EPB41L4A: variants seen among roughly 807,000 people sequenced by gnomAD.
The protein encoded by EPB41L4A is erythrocyte membrane protein band 4.1 like 4A, also known as band 4.1-like protein 4A.
Under a neutral mutation model 108.6 loss-of-function variants are expected in EPB41L4A, and 100 were observed. That is an observed-to-expected ratio of 0.92 (90% confidence interval 0.78 to 1.09). The LOEUF (loss-of-function observed/expected upper bound fraction) is 1.09, where lower values mean the gene tolerates loss of function less well. EPB41L4A is among the 50% of genes least tolerant of loss of function. The pLI, the probability that EPB41L4A is intolerant of heterozygous loss-of-function variation, is 0.00. For missense variants in EPB41L4A, 1,030 were observed against 842.7 expected (o/e 1.22, Z -2.75); for synonymous variants, 319 against 289.0 (o/e 1.10, Z -1.05).
chr5:112,388,557 C>G (rs577008702), intron 1 of EPB41L4A, among the ~76,000 whole-genome samples: 1 of 152,012 alleles, frequency 6.6e-6, no homozygotes, highest in Non-Finnish European at 1.5e-5. Context: ...TTGAAGAGAC[C>G]GAGAGAGAAT....
At chr5:112,412,896 A>G (rs1220401754) in intron 1 of EPB41L4A, among the ~76,000 whole-genome samples, 4 of 152,178 alleles carry the variant, frequency 2.6e-5, no homozygotes, top group Non-Finnish European at 5.9e-5. Context: ...TTTCATAAAA[A>G]CCCAATATTT....
In EPB41L4A at chr5:112,234,759, G is replaced by C. The variant is rs762526120; in HGVS notation, c.966-4C>G. ...CATTTGCAAAGCTGTCCTGCCACTT[G>C]AGAGTGCAACATTTTGATTAGCAAA... On this transcript the variant is annotated splice_region_variant and splice_polypyrimidine_tract_variant and intron_variant, in intron 11 of 22. Coordinates refer to ENST00000261486, the MANE Select transcript of EPB41L4A (RefSeq NM_022140.5). 11 of 1,608,484 alleles carry C rather than the reference G, an allele frequency of 6.8e-6. No individual in the cohort carries two copies. Among genetic ancestry groups the C allele is most frequent in the Admixed American group, 1.7e-5 (1 of 59,800 alleles).
intron 17 of EPB41L4A, among the ~76,000 whole-genome samples, chr5:112,184,984 C>CGAGG (rs1761351986): frequency 6.6e-6 from 1 of 152,068 alleles, no homozygotes; most frequent in South Asian, 2.1e-4. Flanking sequence ...TTTGGACTTC[C>CGAGG]GAGGTATCAA....
At chr5:112,361,535 A>T (rs1021091540) in intron 1 of EPB41L4A, among the ~76,000 whole-genome samples, 1 of 147,824 alleles carries the variant, frequency 6.8e-6, no homozygotes, top group Admixed American at 6.9e-5. Context: ...AAAAAAAAAA[A>T]AAAGAATAAA....
rs772126180 is a variant in EPB41L4A, at chr5:112,280,273, G to C, written c.255C>G (p.Asn85Lys). 1 of 1,613,634 alleles carries C rather than the reference G, an allele frequency of 6.2e-7. No homozygotes were observed. The highest frequency in any genetic ancestry group is 8.5e-7 in the Non-Finnish European group (1 of 1,179,568). ...KTLAEHKELI[N>K]TGPPYTLYFG... ...ACAAAGTAAAAGCTAAATACCTACT[G>C]TTGATCAGTTCTTTGTGTTCAGCAA... Residue 85 changes from asparagine (N) to lysine (K), a missense_variant and splice_region_variant, in exon 3 of 23, where the codon AAC becomes AAG. Physicochemically the swap from Asn to Lys is moderately conservative, Grantham distance 94 (BLOSUM62 0). Transcript: ENST00000261486.
chr5:112,267,877 A>T (rs1052974817), intron 4 of EPB41L4A, among the ~76,000 whole-genome samples: 4 of 152,164 alleles, frequency 2.6e-5, no homozygotes, highest in Non-Finnish European at 5.9e-5. Flanking sequence ...ACTTCTTCTT[A>T]CTTCTGCTTA....
chr5:112,413,170 G>C (rs1340989728), intron 1 of EPB41L4A, among the ~76,000 whole-genome samples: 1 of 152,114 alleles, frequency 6.6e-6, no homozygotes, highest in African/African-American at 2.4e-5. Flanking sequence ...GGTTGGAAGG[G>C]GAGCATTAAA....
intron 1 of EPB41L4A, among the ~76,000 whole-genome samples, chr5:112,314,534 A>AAAAAAG (rs1755291445): frequency 7.5e-6 from 1 of 133,912 alleles, no homozygotes. Flanking sequence ...AAAAAAAAAA[A>AAAAAAG]AAAAGAAAAG....
In EPB41L4A at chr5:112,348,784, C is replaced by G. The variant is rs6872339; in HGVS notation, c.100-41294G>C. Reference sequence around the variant, plus strand: ...AATCAAAACTGTGTTTCAAGGAATTCCCAAACAAGCTATTTATTTATTCCT... The same window carrying G: ...AATCAAAACTGTGTTTCAAGGAATTGCCAAACAAGCTATTTATTTATTCCT... On this transcript the variant is annotated intron_variant, in intron 1 of 22. Transcript: ENST00000261486. Among the ~76,000 whole-genome samples, 658 of 152,248 alleles carry G rather than the reference C, an allele frequency of 4.3e-3. 7 individuals carry two copies. The highest frequency in any genetic ancestry group is 0.015 in the African/African-American group (626 of 41,530).
In EPB41L4A at chr5:112,239,708, GAC is replaced by G; in HGVS notation, c.915_916del (p.Ser306LysfsTer12). ...GGATCCAAACTTGCTGAGTTTTCTT[GAC>G]AGTGAATTGGATTCATTTTCTGGCA... On this transcript the variant is annotated frameshift_variant, in exon 11 of 23. Coordinates refer to ENST00000261486, the MANE Select transcript of EPB41L4A (RefSeq NM_022140.5). LOFTEE classifies it high-confidence loss of function. 1 of 1,609,354 alleles carries G rather than the reference GAC, an allele frequency of 6.2e-7. No homozygotes were observed.
rs537918487 is a variant in EPB41L4A, at chr5:112,253,385, A to G, written c.795+5844T>C. Among the ~76,000 whole-genome samples the G allele has an allele frequency of 1.2e-4, 19 of 152,328 alleles. No homozygotes were observed. In the South Asian group the frequency reaches 2.7e-3, roughly 22 times the overall value. ...ACTCTCTGTTTTAAAACAGTGGGGTATAACTGTATTCTTTTAAAATGTCAA... is the reference window on the plus strand; with the variant it reads ...ACTCTCTGTTTTAAAACAGTGGGGTGTAACTGTATTCTTTTAAAATGTCAA... On this transcript the variant is annotated intron_variant, in intron 9 of 22. Transcript: ENST00000261486.
At chr5:112,305,235 A>G (rs1456268316) in intron 2 of EPB41L4A, among the ~76,000 whole-genome samples, 1 of 152,152 alleles carries the variant, frequency 6.6e-6, no homozygotes, top group Non-Finnish European at 1.5e-5. Context: ...AATACTTTAG[A>G]GAACTTTTCT....
Position 112,230,270 on chromosome 5 carries a change from G to C in EPB41L4A, c.1087+4364C>G, listed in dbSNP as rs140998583. On this transcript the variant is annotated intron_variant, in intron 12 of 22. Coordinates refer to ENST00000261486, the MANE Select transcript of EPB41L4A (RefSeq NM_022140.5). ...CAATAATGGGATTGCTGGATCAAAT[G>C]GTAGCTCTACTTTTAGTTCTTTAAG... Among the ~76,000 whole-genome samples, 2,212 of 152,162 alleles carry C rather than the reference G, an allele frequency of 0.015. 226 individuals are homozygous for C. The East Asian group carries it at 0.27, about 18-fold the overall frequency.
intron 1 of EPB41L4A, among the ~76,000 whole-genome samples, chr5:112,357,938 T>A (rs1336553326): frequency 6.6e-6 from 1 of 152,238 alleles, no homozygotes; most frequent in Non-Finnish European, 1.5e-5. Flanking sequence ...ATTACAAGGC[T>A]GTGGAGAAGT....
chr5:112,324,088 A>C (rs912813930), intron 1 of EPB41L4A, among the ~76,000 whole-genome samples: 16 of 152,232 alleles, frequency 1.1e-4, no homozygotes, highest in Admixed American at 1.0e-3. Context: ...AAAGATATGA[A>C]AGATCAAGAG....
chr5:112,195,829 A>G, intron 15 of EPB41L4A, 121 bp from the exon 16 acceptor site: 1 of 824,548 alleles, frequency 1.2e-6, no homozygotes, highest in South Asian at 1.5e-5. Flanking sequence ...TCATTTGCCA[A>G]ACATTTACGT....
intron 11 of EPB41L4A, among the ~76,000 whole-genome samples, chr5:112,235,341 G>A (rs1749253600): frequency 6.6e-6 from 1 of 152,182 alleles, no homozygotes; most frequent in Non-Finnish European, 1.5e-5. Context: ...GGTTTCCCTG[G>A]GGCTGGGCCA....
intron 2 of EPB41L4A, among the ~76,000 whole-genome samples, chr5:112,301,124 C>T (rs1187656775): frequency 1.3e-5 from 2 of 152,000 alleles, no homozygotes; most frequent in Non-Finnish European, 2.9e-5. Flanking sequence ...GTTTAATAAT[C>T]AATCTTCTAA....
intron 2 of EPB41L4A, among the ~76,000 whole-genome samples, chr5:112,291,569 T>G (rs1753645602): frequency 6.6e-6 from 1 of 152,186 alleles, no homozygotes; most frequent in Non-Finnish European, 1.5e-5. Flanking sequence ...AGGACTCTAA[T>G]CTTCTCCCAC....
Sources: allele counts gnomAD v4.1 joint callset (sites outside exome capture counted in the v4.1 genomes callset), GRCh38; gene constraint gnomAD v4.1.1; transcripts MANE v1.5; gene names NCBI Gene and HGNC (gene_info 2026-07-23, HGNC 2026-07-21).